DPP10: variants seen among roughly 807,000 people sequenced by gnomAD.
The protein encoded by DPP10 is inactive dipeptidyl peptidase 10.
DPP10 carries 33 observed loss-of-function variants against 120.9 expected under a neutral mutation model. The observed-to-expected ratio is 0.27, with a 90% confidence interval of 0.21 to 0.37. The LOEUF is 0.37. Among genes scored for constraint, DPP10 ranks in the 10% least tolerant of loss-of-function variants. The pLI, the probability that DPP10 is intolerant of heterozygous loss-of-function variation, is 1.00. For synonymous variants in DPP10, 337 were observed against 326.1 expected (o/e 1.03, Z -0.36); for missense variants, 816 against 942.8 (o/e 0.87, Z 1.76).
chr2:115,402,947 GTGTATATATATATATA>G (rs1559549362), intron 3 of DPP10, among the ~76,000 whole-genome samples: 2 of 134,562 alleles, frequency 1.5e-5, no homozygotes, highest in African/African-American at 6.6e-5. Flanking sequence ...ATATGTGTGT[GTGTATATATATATATA>G]TGTATATATA....
At chr2:114,696,737 G>T (rs138298412) in intron 1 of DPP10, among the ~76,000 whole-genome samples, 4 of 151,534 alleles carry the variant, frequency 2.6e-5, no homozygotes, top group African/African-American at 9.7e-5. Context: ...GTGTGTGCGC[G>T]CGTGCCATAA....
intron 3 of DPP10, 70 bp downstream of exon 3, chr2:115,343,982 A>C: frequency 7.6e-7 from 1 of 1,317,286 alleles, no homozygotes; most frequent in Non-Finnish European, 1.0e-6. Flanking sequence ...AAAAAATGAG[A>C]TGTGTAAGCT....
chr2:115,026,904 C>T (rs1703504070), intron 1 of DPP10, among the ~76,000 whole-genome samples: 1 of 152,040 alleles, frequency 6.6e-6, no homozygotes, highest in African/African-American at 2.4e-5. Context: ...CTGTAAATTG[C>T]TTTGAGTAGT....
At chr2:114,543,897 T>TG (rs1687158071) in intron 1 of DPP10, among the ~76,000 whole-genome samples, 4 of 133,778 alleles carry the variant, frequency 3.0e-5, no homozygotes, top group African/African-American at 1.1e-4. Flanking sequence ...TGGTGGTGGT[T>TG]GTTTTTGTTT....
intron 5 of DPP10, among the ~76,000 whole-genome samples, chr2:115,622,943 T>C (rs951736860): frequency 1.3e-5 from 2 of 151,438 alleles, no homozygotes; most frequent in African/African-American, 4.9e-5. Context: ...CCCGGGTTCA[T>C]GCCATTCTCC....
At chr2:115,394,714 G>T (rs1279835133) in intron 3 of DPP10, among the ~76,000 whole-genome samples, 1 of 152,172 alleles carries the variant, frequency 6.6e-6, no homozygotes, top group African/African-American at 2.4e-5. Flanking sequence ...ACTTTTAAAA[G>T]TGTCTGTCAT....
intron 1 of DPP10, among the ~76,000 whole-genome samples, chr2:114,626,763 C>T (rs991109536): frequency 6.6e-6 from 1 of 151,994 alleles, no homozygotes; most frequent in Non-Finnish European, 1.5e-5. Flanking sequence ...TTTATTTCAT[C>T]GGAAATTTTA....
intron 1 of DPP10, among the ~76,000 whole-genome samples, chr2:114,950,981 G>A (rs767008659): frequency 6.6e-6 from 1 of 152,066 alleles, no homozygotes; most frequent in Non-Finnish European, 1.5e-5. Context: ...AAGATACAGC[G>A]CTACAATGAA....
chr2:114,954,051 C>T (rs1436868703), intron 1 of DPP10, among the ~76,000 whole-genome samples: 1 of 147,780 alleles, frequency 6.8e-6, no homozygotes, highest in African/African-American at 2.5e-5. Flanking sequence ...CCAGAAAAAC[C>T]AATGAGTTAA....
At chr2:114,682,902 T>C (rs1699123387) in intron 1 of DPP10, among the ~76,000 whole-genome samples, 1 of 151,874 alleles carries the variant, frequency 6.6e-6, no homozygotes, top group African/African-American at 2.4e-5. Context: ...AGTATGTAAA[T>C]AGTACACCCT....
chr2:114,610,416 A>G (rs1218599506), intron 1 of DPP10, among the ~76,000 whole-genome samples: 1 of 152,134 alleles, frequency 6.6e-6, no homozygotes, highest in Admixed American at 6.6e-5. Context: ...GCCAGGGTTG[A>G]CACTCAAAAG....
At chr2:114,901,822 G>A (rs1330434457) in intron 1 of DPP10, among the ~76,000 whole-genome samples, 3 of 152,144 alleles carry the variant, frequency 2.0e-5, no homozygotes, top group Non-Finnish European at 2.9e-5. Context: ...AATAATAATG[G>A]TAGATAAACA....
rs1047315960 is a variant in DPP10, at chr2:114,488,194, T to G, written c.60+45356T>G. 1.6e-4 allele frequency among the ~76,000 whole-genome samples: 25 copies of G among 152,210 alleles called. 1 individual carries two copies. The highest frequency in any genetic ancestry group is 1.6e-3 in the Admixed American group (25 of 15,282). ...ATGTCAGGGCCCACCTGTGCCTCATTTGTTGCCCCTGGCTGAGTTACTCTG... is the reference window on the plus strand; with the variant it reads ...ATGTCAGGGCCCACCTGTGCCTCATGTGTTGCCCCTGGCTGAGTTACTCTG... On this transcript the variant is annotated intron_variant, in intron 1 of 25. Coordinates refer to ENST00000410059, the MANE Select transcript of DPP10 (RefSeq NM_020868.6).
chr2:114,757,912 T>C (rs1280434921), intron 1 of DPP10, among the ~76,000 whole-genome samples: 1 of 152,144 alleles, frequency 6.6e-6, no homozygotes, highest in Non-Finnish European at 1.5e-5. Flanking sequence ...TCCCTTTCCA[T>C]GCAAATACAC....
intron 1 of DPP10, among the ~76,000 whole-genome samples, chr2:114,846,611 T>C (rs558478844): frequency 6.6e-6 from 1 of 152,212 alleles, no homozygotes; most frequent in East Asian, 1.9e-4. Flanking sequence ...GATGAGGATT[T>C]GAAGTTGGCC....
chr2:114,889,289 T>G (rs1277882647), intron 1 of DPP10, among the ~76,000 whole-genome samples: 1 of 152,200 alleles, frequency 6.6e-6, no homozygotes, highest in African/African-American at 2.4e-5. Flanking sequence ...GCACTGGATG[T>G]AGGAAAATCT....
chr2:114,974,273 G>A (rs1401735054), intron 1 of DPP10, among the ~76,000 whole-genome samples: 16 of 152,028 alleles, frequency 1.1e-4, no homozygotes, highest in Non-Finnish European at 1.9e-4. Flanking sequence ...CTTTTTCTAT[G>A]TTTAGGTATG....
At chr2:115,562,352 T>TA (rs997518860) in intron 5 of DPP10, among the ~76,000 whole-genome samples, 2 of 152,180 alleles carry the variant, frequency 1.3e-5, no homozygotes, top group African/African-American at 4.8e-5. Context: ...TCCCTTGTCT[T>TA]ACTTGTCTCC....
At chr2:114,945,220 G>A (rs543269940) in intron 1 of DPP10, among the ~76,000 whole-genome samples, 1 of 152,270 alleles carries the variant, frequency 6.6e-6, no homozygotes, top group Non-Finnish European at 1.5e-5. Flanking sequence ...AGCATAATCT[G>A]TAACAAATTG....
Sources: allele counts gnomAD v4.1 joint callset (sites outside exome capture counted in the v4.1 genomes callset), GRCh38; gene constraint gnomAD v4.1.1; transcripts MANE v1.5; gene names NCBI Gene and HGNC (gene_info 2026-07-23, HGNC 2026-07-21).